ARHGEF4: variants seen among roughly 807,000 people sequenced by gnomAD.
The protein encoded by ARHGEF4 is Rho guanine nucleotide exchange factor 4.
ARHGEF4 carries 119 observed loss-of-function variants against 162.0 expected under a neutral mutation model. The ratio of observed to expected loss-of-function variants is 0.73; its 90% CI spans 0.63 to 0.86. ARHGEF4 has a LOEUF of 0.86. ARHGEF4 is among the 40% of genes least tolerant of loss of function. The probability of loss-of-function intolerance (pLI) is 0.00; values close to 1 mark genes in which losing one functional copy is unlikely to be tolerated. For synonymous variants in ARHGEF4, 1,014 were observed against 979.9 expected (o/e 1.03, Z -0.65); for missense variants, 2,488 against 2,456.0 (o/e 1.01, Z -0.28).
In ARHGEF4 at chr2:131,047,223, T is replaced by A. The variant is rs1461695658; in HGVS notation, c.*1034T>A. On this transcript the variant is annotated 3_prime_UTR_variant, in exon 14 of 14. Transcript: ENST00000409359. The stretch of plus-strand genomic sequence containing the variant: ...TCCTTCTCCAAGCCAGAAACCACAT[T>A]TAATTTCATAAATAAATTTATGAAA... The A allele has an allele frequency of 6.6e-6, 1 of 152,230 alleles. No homozygotes were observed. Among genetic ancestry groups the A allele is most frequent in the Non-Finnish European group, 1.5e-5 (1 of 68,044 alleles). 9.4% of individuals were successfully genotyped at this position (152,230 alleles called of 1,614,324 possible). A position where few individuals can be genotyped will look rare whatever the true frequency, so the allele number is the denominator to read the frequency against.
At chr2:130,957,730 T>C (rs1210567536) in intron 4 of ARHGEF4, among the ~76,000 whole-genome samples, 1 of 152,064 alleles carries the variant, frequency 6.6e-6, no homozygotes, top group Non-Finnish European at 1.5e-5. Context: ...TTAGTTCCCT[T>C]ATAAAAGAAC....
intron 2 of ARHGEF4, among the ~76,000 whole-genome samples, chr2:130,920,115 T>C (rs1681783585): frequency 6.6e-6 from 1 of 152,078 alleles, no homozygotes. Flanking sequence ...TTGTTTTTTG[T>C]TTATTTTGTT....
rs1689414410 is a variant in ARHGEF4, at chr2:131,025,404, A to G, written c.3986-2541A>G. 2.0e-5 allele frequency among the ~76,000 whole-genome samples: 3 copies of G among 152,164 alleles called. No homozygotes were observed. The South Asian group carries it at 6.2e-4, about 32-fold the overall frequency. ...TTGGGCAGGGTCACAAATCCAAACC[A>G]TATCCCTGAGGGTTTCCCAGGTCAG... On this transcript the variant is annotated intron_variant, in intron 4 of 13. Transcript: ENST00000409359.
At chr2:130,936,887 C>CTTTTTTTTTCTTTTTTTT (rs1682976000) in intron 3 of ARHGEF4, among the ~76,000 whole-genome samples, 1 of 135,990 alleles carries the variant, frequency 7.4e-6, no homozygotes. Flanking sequence ...CTCTTTCTTT[C>CTTTTTTTTTCTTTTTTTT]TTTTTTTTTT....
At chr2:130,868,905 A>AC (rs967190356) in intron 1 of ARHGEF4, among the ~76,000 whole-genome samples, 2 of 152,162 alleles carry the variant, frequency 1.3e-5, no homozygotes, top group Middle Eastern at 3.4e-3. Context: ...GGCTTATGGC[A>AC]CCCCCGTCCT....
Position 130,915,630 on chromosome 2 carries a change from A to G in ARHGEF4, c.1684A>G (p.Ile562Val). ...TGAGACCACCCAGAAATCAAGCGCA[A>G]TAGACACTTCAAAGGCAGCCGAAGA... ...APETTQKSSA[I>V]DTSKAAEEAM... is the part of the protein sequence containing the mutation. Residue 562 changes from isoleucine to valine, a missense_variant, in exon 2 of 14, where the codon ATA (isoleucine) becomes GTA (valine). Transcript: ENST00000409359. 2.6e-6 allele frequency: 4 copies of G among 1,550,498 alleles called. No homozygotes were observed. In the East Asian group the frequency reaches 7.3e-5, roughly 28 times the overall value.
In ARHGEF4 at chr2:130,991,558, G is replaced by A. The variant is rs375676232; in HGVS notation, c.3986-36387G>A. ...CTCGGAGCAGCCGGCCGGCCCTGCCGGCCCCGGGCAATGAGGGAATTAGCA... is the reference window on the plus strand; with the variant it reads ...CTCGGAGCAGCCGGCCGGCCCTGCCAGCCCCGGGCAATGAGGGAATTAGCA... On this transcript the variant is annotated intron_variant, in intron 4 of 13. Coordinates refer to ENST00000409359, the MANE Select transcript of ARHGEF4 (RefSeq NM_001367493.1). 6.6e-4 allele frequency among the ~76,000 whole-genome samples: 100 copies of A among 152,348 alleles called. No individual in the cohort carries two copies. The South Asian group carries it at 7.0e-3, about 11-fold the overall frequency.
chr2:131,014,790 C>A (rs1312336901), intron 4 of ARHGEF4, among the ~76,000 whole-genome samples: 1 of 152,170 alleles, frequency 6.6e-6, no homozygotes, highest in Non-Finnish European at 1.5e-5. Flanking sequence ...CTAAAGGCTC[C>A]TCTTACCTTC....
intron 4 of ARHGEF4, among the ~76,000 whole-genome samples, chr2:130,967,463 G>A (rs1480807036): frequency 1.3e-5 from 2 of 152,068 alleles, no homozygotes; most frequent in Non-Finnish European, 2.9e-5. Context: ...TTCTCTCTTC[G>A]GGCTTCTGGG....
At chr2:130,951,341 C>T (rs1683946361) in intron 4 of ARHGEF4, among the ~76,000 whole-genome samples, 1 of 152,162 alleles carries the variant, frequency 6.6e-6, no homozygotes, top group Non-Finnish European at 1.5e-5. Context: ...TCATTTCTAG[C>T]TTTTGATTTA....
chr2:131,041,865 A>G lies in ARHGEF4; in HGVS notation c.4946A>G (p.Gln1649Arg), dbSNP rs923356851. 8.7e-6 allele frequency: 14 copies of G among 1,613,568 alleles called. No homozygotes were observed. Among genetic ancestry groups the G allele is most frequent in the African/African-American group, 1.3e-5 (1 of 74,950 alleles). ...TTGCATGCCATGAAGAACGTGGCCC[A>G]GCTCATCAACGAGCGGAAGCGGAGA... ...AALHAMKNVA[Q>R]LINERKRRLE... Residue 1649 changes from glutamine to arginine, a missense_variant, in exon 10 of 14, where the codon CAG becomes CGG. Coordinates refer to ENST00000409359, the MANE Select transcript of ARHGEF4 (RefSeq NM_001367493.1).
chr2:131,003,501 G>A (rs530996699), intron 4 of ARHGEF4, among the ~76,000 whole-genome samples: 1 of 152,302 alleles, frequency 6.6e-6, no homozygotes, highest in South Asian at 2.1e-4. Flanking sequence ...TGATGGGAAG[G>A]CACAATTCAC....
intron 1 of ARHGEF4, among the ~76,000 whole-genome samples, chr2:130,864,518 A>C (rs1182805857): frequency 1.3e-5 from 2 of 152,170 alleles, no homozygotes; most frequent in East Asian, 3.9e-4. Flanking sequence ...AGAGGTCAGG[A>C]GTTCAAGACC....
intron 4 of ARHGEF4, among the ~76,000 whole-genome samples, chr2:130,984,688 T>A (rs1239174125): frequency 2.9e-5 from 4 of 137,480 alleles, no homozygotes; most frequent in Non-Finnish European, 3.1e-5. Context: ...GGCTCTGTCT[T>A]AAAAAAAAAA....
In ARHGEF4 at chr2:130,918,439, AAAAGT is replaced by A. The variant is rs201770105; in HGVS notation, c.3552+945_3552+949del. On this transcript the variant is annotated intron_variant, in intron 2 of 13. Transcript: ENST00000409359. ...TGCAGAGCGTGCCCTGGAGACTGCG[AAAAGT>A]AAAAAGTAAGGCTCCCTCAGCTTCT... Among the ~76,000 whole-genome samples, 908 of 149,196 alleles carry A rather than the reference AAAAGT, an allele frequency of 6.1e-3. 7 individuals carry two copies. The highest frequency in any genetic ancestry group is 0.021 in the African/African-American group (877 of 40,846).
intron 1 of ARHGEF4, among the ~76,000 whole-genome samples, chr2:130,839,346 G>A (rs1485796337): frequency 6.6e-6 from 1 of 152,136 alleles, no homozygotes; most frequent in Non-Finnish European, 1.5e-5. Context: ...TGCTGGACTG[G>A]GCCAGAAAAG....
intron 4 of ARHGEF4, among the ~76,000 whole-genome samples, chr2:130,977,469 TTG>T (rs1401729344): frequency 6.6e-6 from 1 of 151,830 alleles, no homozygotes; most frequent in African/African-American, 2.4e-5. Flanking sequence ...AGTGTTTATG[TTG>T]TGTGTGCTTT....
chr2:130,911,822 G>A (rs549987540), intron 1 of ARHGEF4, among the ~76,000 whole-genome samples: 9 of 152,380 alleles, frequency 5.9e-5, no homozygotes, highest in African/African-American at 1.9e-4. Flanking sequence ...CCTGGGCAGC[G>A]ATGCTGGGCA....
intron 1 of ARHGEF4, among the ~76,000 whole-genome samples, chr2:130,890,497 G>A (rs1028430484): frequency 6.6e-6 from 1 of 151,760 alleles, no homozygotes. Context: ...GGGAGGCTAT[G>A]GTTGCAGTGA....
Sources: allele counts gnomAD v4.1 joint callset (sites outside exome capture counted in the v4.1 genomes callset), GRCh38; gene constraint gnomAD v4.1.1; transcripts MANE v1.5; gene names NCBI Gene and HGNC (gene_info 2026-07-23, HGNC 2026-07-21).